TNFRSF8: variants seen among roughly 807,000 people sequenced by gnomAD.
TNFRSF8 encodes tumor necrosis factor receptor superfamily member 8.
TNFRSF8 carries 26 observed loss-of-function variants against 70.8 expected under a neutral mutation model. The observed-to-expected ratio is 0.37, with a 90% confidence interval of 0.27 to 0.51. The LOEUF is 0.51. TNFRSF8 is among the 20% of genes least tolerant of loss of function. TNFRSF8 has a pLI of 0.94. For missense variants in TNFRSF8, 720 were observed against 807.9 expected, an observed-to-expected ratio of 0.89 and a Z score of 1.32; for synonymous variants, 356 against 339.2, an observed-to-expected ratio of 1.05 and a Z score of -0.54.
chr1:12,074,196 C>T (rs1004992951), intron 1 of TNFRSF8, among the ~76,000 whole-genome samples: 1 of 152,098 alleles, frequency 6.6e-6, no homozygotes, highest in African/African-American at 2.4e-5. Flanking sequence ...CCATCCTGTC[C>T]ACCTCCCCAC....
intron 13 of TNFRSF8, among the ~76,000 whole-genome samples, chr1:12,136,597 C>T (rs993260800): frequency 3.4e-5 from 5 of 147,228 alleles, no homozygotes; most frequent in East Asian, 2.0e-4. Flanking sequence ...TGCAGGGAGC[C>T]GAGATTGCAC....
intron 12 of TNFRSF8, among the ~76,000 whole-genome samples, chr1:12,127,793 T>C (rs1641968486): frequency 1.3e-5 from 2 of 152,334 alleles, no homozygotes; most frequent in South Asian, 4.1e-4. Flanking sequence ...TCCATTGCCG[T>C]CAGTTTATTT....
At chr1:12,071,686 C>T (rs2100946173) in intron 1 of TNFRSF8, among the ~76,000 whole-genome samples, 1 of 152,168 alleles carries the variant, frequency 6.6e-6, no homozygotes, top group South Asian at 2.1e-4. Flanking sequence ...GCCTCAGCCT[C>T]CCAAGTAGCT....
At position 12,111,925 on chromosome 1, in the gene TNFRSF8, A is replaced by G; in HGVS notation, c.704A>G (p.Glu235Gly). 1 of 1,614,166 alleles carries G rather than the reference A, an allele frequency of 6.2e-7. No homozygotes were observed. The highest frequency in any genetic ancestry group is 8.5e-7 in the Non-Finnish European group (1 of 1,180,020). ...PGLSPTQPCPEGSGDCRKQCE... is the reference protein window; with the variant it reads ...PGLSPTQPCPGGSGDCRKQCE... Reference sequence around the variant, plus strand: ...CTGTCCCCAACACAGCCATGCCCAGAGGGGTCTGGTGATTGCAGAAAGCAG... The same window carrying G: ...CTGTCCCCAACACAGCCATGCCCAGGGGGGTCTGGTGATTGCAGAAAGCAG... Residue 235 changes from glutamate to glycine, a missense_variant, in exon 7 of 15, where the codon GAG (glutamate) becomes GGG (glycine). By Grantham distance (98) the Glu-to-Gly change is moderately conservative. Coordinates refer to ENST00000263932, the MANE Select transcript of TNFRSF8 (RefSeq NM_001243.5).
rs767575473 is a variant in TNFRSF8, at chr1:12,126,004, G to A, written c.1207G>A (p.Ala403Thr). 9.9e-6 allele frequency: 16 copies of A among 1,613,700 alleles called. No individual in the cohort carries two copies. The highest frequency in any genetic ancestry group is 1.6e-4 in the Middle Eastern group (1 of 6,080). ...LVLVVVVGSS[A>T]FLLCHRRACR... The stretch of plus-strand genomic sequence containing the variant: ...GTTGGTTGTGGTGGTCGGCTCCAGC[G>A]CCTTCCTCCTGTGCCACCGGAGGGC... Residue 403 changes from alanine (A) to threonine (T), a missense_variant, in exon 11 of 15, where the codon GCC (alanine) becomes ACC (threonine). By Grantham distance (58) the Ala-to-Thr change is moderately conservative. Transcript: ENST00000263932.
intron 2 of TNFRSF8, among the ~76,000 whole-genome samples, chr1:12,086,319 T>C (rs1410212773): frequency 2.0e-5 from 3 of 152,242 alleles, no homozygotes; most frequent in Non-Finnish European, 4.4e-5. Context: ...AAAGTATTCA[T>C]TGTATGGGCA....
In TNFRSF8 at chr1:12,142,680, G is replaced by T. The variant is rs1022550609; in HGVS notation, c.*149G>T. On this transcript the variant is annotated 3_prime_UTR_variant, in exon 15 of 15. Coordinates refer to ENST00000263932, the MANE Select transcript of TNFRSF8 (RefSeq NM_001243.5). This position sits in a 1 kb window ranked among gnomAD's most constrained non-coding sequence, Gnocchi z 5.0. ...TGGTGGACCGGCCGGTCACTGCAGG[G>T]GTCTGGTGGTCTCTGCTTGCATCCC... 3 of 1,079,472 alleles carry T rather than the reference G, an allele frequency of 2.8e-6. No individual in the cohort carries two copies. The Admixed American group carries it at 8.6e-5, about 31-fold the overall frequency. The allele number at this position is 1,079,472 out of a possible 1,614,324, so 66.9% of individuals were successfully genotyped here. A position where few individuals can be genotyped will look rare whatever the true frequency, so the allele number is the denominator to read the frequency against.
intron 1 of TNFRSF8, among the ~76,000 whole-genome samples, chr1:12,081,622 AT>A (rs1641064556): frequency 6.6e-6 from 1 of 151,550 alleles, no homozygotes; most frequent in African/African-American, 2.4e-5. Flanking sequence ...TTCATGTATT[AT>A]TTCAAATTAA....
chr1:12,139,955 A>G (rs1204184178), intron 14 of TNFRSF8, among the ~76,000 whole-genome samples: 1 of 152,236 alleles, frequency 6.6e-6, no homozygotes, highest in Non-Finnish European at 1.5e-5. Context: ...CTTTTGTAAC[A>G]AACTGAAGCT....
intron 8 of TNFRSF8, among the ~76,000 whole-genome samples, chr1:12,117,034 C>A (rs1641744013): frequency 6.6e-6 from 1 of 152,122 alleles, no homozygotes; most frequent in African/African-American, 2.4e-5. Flanking sequence ...TGGCCACTGA[C>A]CAGTTTGCAC....
In TNFRSF8 at chr1:12,092,462, C is replaced by T. The variant is rs1040281002; in HGVS notation, c.152-4639C>T. Among the ~76,000 whole-genome samples the T allele has an allele frequency of 3.3e-5, 5 of 151,632 alleles. 1 individual carries two copies. The highest frequency in any genetic ancestry group is 4.2e-4 in the South Asian group (2 of 4,792). On this transcript the variant is annotated intron_variant, in intron 2 of 14. Coordinates refer to ENST00000263932, the MANE Select transcript of TNFRSF8 (RefSeq NM_001243.5). ...TGTTGGGATTACAGGCATGAGTTACCGTGCCTGAAAATGTCCAATTTTCCC... is the reference window on the plus strand; with the variant it reads ...TGTTGGGATTACAGGCATGAGTTACTGTGCCTGAAAATGTCCAATTTTCCC...
At chr1:12,082,096 C>G (rs1002122544) in intron 1 of TNFRSF8, among the ~76,000 whole-genome samples, 8 of 152,154 alleles carry the variant, frequency 5.3e-5, no homozygotes, top group African/African-American at 1.7e-4. Context: ...TGGATCACCC[C>G]AGAAAAGTGC....
intron 12 of TNFRSF8, among the ~76,000 whole-genome samples, chr1:12,130,201 G>A (rs1050521648): frequency 5.3e-5 from 8 of 152,248 alleles, no homozygotes; most frequent in South Asian, 2.1e-4. Flanking sequence ...AGCTGCCACC[G>A]CGCCCAGCCC....
chr1:12,073,328 C>T (rs1640880305), intron 1 of TNFRSF8, among the ~76,000 whole-genome samples: 1 of 152,140 alleles, frequency 6.6e-6, no homozygotes, highest in Non-Finnish European at 1.5e-5. Flanking sequence ...TGGCCTGAGG[C>T]TGGCGCAGGA....
intron 12 of TNFRSF8, among the ~76,000 whole-genome samples, chr1:12,133,305 T>C (rs2101040313): frequency 6.7e-6 from 1 of 148,782 alleles, no homozygotes; most frequent in East Asian, 2.0e-4. Context: ...TTTATTTATT[T>C]TGTTTTGTTA....
In TNFRSF8 at chr1:12,123,368, C is replaced by T. The variant is rs1362340821; in HGVS notation, c.1031C>T (p.Ala344Val). 22 of 1,608,870 alleles carry T rather than the reference C, an allele frequency of 1.4e-5. No homozygotes were observed. Among genetic ancestry groups the T allele is most frequent in the African/African-American group, 5.3e-5 (4 of 74,854 alleles). ...DCNPTPENGE[A>V]PASTSPTQSL... The stretch of plus-strand genomic sequence containing the variant: ...AACCCCACCCCAGAGAATGGCGAGG[C>T]GCCTGCCAGGTGACTCCCCCACCCC... The change falls in exon 9 of 15, where the codon GCG becomes GTG. Residue 344 changes from alanine to valine, a missense_variant. Transcript: ENST00000263932.
At chr1:12,064,300 T>C (rs1640700520) in intron 1 of TNFRSF8, among the ~76,000 whole-genome samples, 1 of 152,160 alleles carries the variant, frequency 6.6e-6, no homozygotes, top group African/African-American at 2.4e-5. Context: ...CTGAAGTCTA[T>C]GGTGGGTTGC....
chr1:12,122,759 A>C (rs534669892), intron 8 of TNFRSF8, among the ~76,000 whole-genome samples: 1 of 152,306 alleles, frequency 6.6e-6, no homozygotes, highest in African/African-American at 2.4e-5. Context: ...TTTTCTCTTA[A>C]AAGCAAAAGG....
chr1:12,131,990 C>T lies in TNFRSF8; in HGVS notation c.1310-3598C>T, dbSNP rs141314295. On this transcript the variant is annotated intron_variant, in intron 12 of 14. Transcript: ENST00000263932. ...TGTATTTTTAGTAGAGATGGGGTTTCACCAGGTTGGCCAGGCTGGTCTGGA... is the reference window on the plus strand; with the variant it reads ...TGTATTTTTAGTAGAGATGGGGTTTTACCAGGTTGGCCAGGCTGGTCTGGA... Among the ~76,000 whole-genome samples, 512 of 151,868 alleles carry T rather than the reference C, an allele frequency of 3.4e-3. 2 individuals carry two copies. The highest frequency in any genetic ancestry group is 0.012 in the African/African-American group (498 of 41,406).
Sources: gnomAD v4.1 joint callset for allele counts (sites outside exome capture counted in the v4.1 genomes callset) on GRCh38, gnomAD v4.1.1 for gene constraint, Gnocchi (gnomAD v3.1) non-coding constraint, MANE v1.5 for transcripts, NCBI Gene and HGNC (gene_info 2026-07-23, HGNC 2026-07-21) for gene names.